ROBO2: variants seen among roughly 807,000 people sequenced by gnomAD.
The protein encoded by ROBO2 is roundabout homolog 2.
A neutral mutation model predicts 160.8 loss-of-function variants in ROBO2; 53 were observed. That is an observed-to-expected ratio of 0.33 (90% confidence interval 0.26 to 0.41). ROBO2 has a LOEUF of 0.41. Ranked by LOEUF, ROBO2 falls within the 10% of genes least tolerant of loss-of-function variation. The pLI, the probability that ROBO2 is intolerant of heterozygous loss-of-function variation, is 1.00. For missense variants in ROBO2, 1,577 were observed against 1,722.4 expected, an observed-to-expected ratio of 0.92 and a Z score of 1.49; for synonymous variants, 664 against 611.7, an observed-to-expected ratio of 1.09 and a Z score of -1.26.
chr3:77,480,718 G>A (rs895966687), intron 3 of ROBO2, among the ~76,000 whole-genome samples: 3 of 152,174 alleles, frequency 2.0e-5, no homozygotes, highest in Admixed American at 2.0e-4. Flanking sequence ...CTCTGATTCA[G>A]CAGGATTTTA....
chr3:76,758,349 A>G (rs1225065644), intron 2 of ROBO2, among the ~76,000 whole-genome samples: 1 of 151,728 alleles, frequency 6.6e-6, no homozygotes, highest in Non-Finnish European at 1.5e-5. Context: ...AAACAGAGGA[A>G]TTGTCTTTGG....
At chr3:75,965,079 A>G (rs1949055162) in intron 2 of ROBO2, 2 of 151,394 alleles carry the variant, frequency 1.3e-5, no homozygotes, top group African/African-American at 4.8e-5. Flanking sequence ...CTGCTAATTT[A>G]TTTTTCATCT....
At chr3:76,363,264 A>G (rs1305507793) in intron 2 of ROBO2, among the ~76,000 whole-genome samples, 1 of 151,916 alleles carries the variant, frequency 6.6e-6, no homozygotes, top group Non-Finnish European at 1.5e-5. Context: ...CATTGAATTT[A>G]TGGTCTTACT....
intron 2 of ROBO2, among the ~76,000 whole-genome samples, chr3:76,695,760 G>A (rs900013640): frequency 2.0e-5 from 3 of 152,106 alleles, no homozygotes; most frequent in African/African-American, 7.2e-5. Context: ...AGGGAACAGA[G>A]GCTCAGAGAG....
At chr3:77,170,805 T>C (rs13353434) in intron 2 of ROBO2, among the ~76,000 whole-genome samples, 1,977 of 152,256 alleles carry the variant, frequency 0.013, 21 homozygotes, top group Non-Finnish European at 0.018. Flanking sequence ...AATCGACCCA[T>C]GTTGGGGATT....
chr3:76,639,430 A>T (rs189051012), intron 2 of ROBO2, among the ~76,000 whole-genome samples: 1 of 149,968 alleles, frequency 6.7e-6, no homozygotes, highest in East Asian at 2.0e-4. Context: ...ATATATAAAC[A>T]TATACGTGTA....
intron 2 of ROBO2, among the ~76,000 whole-genome samples, chr3:76,007,882 A>G (rs997445831): frequency 3.9e-5 from 6 of 152,316 alleles, no homozygotes; most frequent in Middle Eastern, 3.4e-3. Context: ...AAATCACATT[A>G]TATAATTAAT....
chr3:77,448,555 G>A (rs995956263), intron 2 of ROBO2, among the ~76,000 whole-genome samples: 2 of 152,098 alleles, frequency 1.3e-5, no homozygotes, highest in African/African-American at 2.4e-5. Context: ...TTTGAGGTTA[G>A]CAAGGCAGCT....
intron 2 of ROBO2, among the ~76,000 whole-genome samples, chr3:76,435,677 T>C (rs1198538856): frequency 1.3e-5 from 2 of 152,176 alleles, no homozygotes; most frequent in Non-Finnish European, 2.9e-5. Flanking sequence ...CAGTCCATTC[T>C]TATGGAACTG....
intron 2 of ROBO2, among the ~76,000 whole-genome samples, chr3:76,050,924 G>C (rs1384584572): frequency 6.6e-6 from 1 of 152,168 alleles, no homozygotes; most frequent in Admixed American, 6.5e-5. Flanking sequence ...TATTCCTGCA[G>C]AAGAGCTCTT....
intron 2 of ROBO2, among the ~76,000 whole-genome samples, chr3:76,109,022 GTAATATC>G (rs2070088015): frequency 6.6e-6 from 1 of 151,676 alleles, no homozygotes; most frequent in South Asian, 2.1e-4. Flanking sequence ...TTTTTCGCAA[GTAATATC>G]TAACGTGAAG....
At chr3:76,075,243 C>A (rs1395793831) in intron 2 of ROBO2, among the ~76,000 whole-genome samples, 1 of 151,860 alleles carries the variant, frequency 6.6e-6, no homozygotes, top group African/African-American at 2.4e-5. Flanking sequence ...TATACAGTAA[C>A]TTCCAAGGCT....
intron 2 of ROBO2, among the ~76,000 whole-genome samples, chr3:77,437,717 A>G (rs1475637497): frequency 6.6e-6 from 1 of 151,972 alleles, no homozygotes; most frequent in East Asian, 1.9e-4. Flanking sequence ...TAGCCTATAA[A>G]ATGGCTTAGG....
At chr3:76,965,657 ATC>A (rs1367799295) in intron 2 of ROBO2, among the ~76,000 whole-genome samples, 6 of 147,692 alleles carry the variant, frequency 4.1e-5, no homozygotes, top group Non-Finnish European at 7.4e-5. Context: ...GTTCTCATAT[ATC>A]TATCAAAGGT....
chr3:77,295,027 A>T (rs762592760), intron 2 of ROBO2, among the ~76,000 whole-genome samples: 1 of 151,640 alleles, frequency 6.6e-6, no homozygotes, highest in Non-Finnish European at 1.5e-5. Context: ...AGATCACCAA[A>T]GACTTAAAGA....
intron 6 of ROBO2, chr3:77,538,793 T>C (rs575243483): frequency 9.0e-5 from 38 of 420,232 alleles, no homozygotes; most frequent in African/African-American, 6.0e-4. Flanking sequence ...TGAATATAAA[T>C]TGAGTAAACA....
chr3:76,948,874 T>TTACA (rs2078742237), intron 2 of ROBO2, among the ~76,000 whole-genome samples: 1 of 48,616 alleles, frequency 2.1e-5, no homozygotes, highest in Non-Finnish European at 3.4e-5. Flanking sequence ...CCGGCTAATT[T>TTACA]TATATATATA....
At chr3:76,584,474 T>C (rs1270627256) in intron 2 of ROBO2, among the ~76,000 whole-genome samples, 2 of 152,014 alleles carry the variant, frequency 1.3e-5, no homozygotes, top group African/African-American at 4.8e-5. Flanking sequence ...AGTGTCCTTA[T>C]ATAAACAGGA....
chr3:77,230,444 A>G (rs1314944779), intron 2 of ROBO2, among the ~76,000 whole-genome samples: 1 of 152,194 alleles, frequency 6.6e-6, no homozygotes, highest in Non-Finnish European at 1.5e-5. Context: ...TTATTCTTCA[A>G]ACGTAACATT....
Sources: allele counts gnomAD v4.1 joint callset (sites outside exome capture counted in the v4.1 genomes callset), GRCh38; gene constraint gnomAD v4.1.1; transcripts MANE v1.5; gene names NCBI Gene and HGNC (gene_info 2026-07-23, HGNC 2026-07-21).